The following CFH variants were observed in gnomAD, a reference collection of about 807,000 sequenced individuals.
The protein encoded by CFH is complement factor H, also known as H factor 1 (complement).
Under a neutral mutation model 147.3 loss-of-function variants are expected in CFH, and 53 were observed. The observed-to-expected ratio is 0.36, with a 90% CI of 0.29 to 0.45. CFH has a LOEUF of 0.45. Ranked by LOEUF, CFH falls within the 20% of genes least tolerant of loss-of-function variation. The pLI is 1.00. For synonymous variants in CFH, 536 were observed against 489.4 expected, an observed-to-expected ratio of 1.10 and a Z score of -1.26; for missense variants, 1,380 against 1,498.0, an observed-to-expected ratio of 0.92 and a Z score of 1.30.
In CFH at chr1:196,733,049, G is replaced by A. The variant is rs539826372; in HGVS notation, c.2414-3775G>A. Among the ~76,000 whole-genome samples, 13 of 152,082 alleles carry A rather than the reference G, an allele frequency of 8.5e-5. No homozygotes were observed. The East Asian group carries it at 2.3e-3, about 27-fold the overall frequency. On this transcript the variant is annotated intron_variant, in intron 15 of 21. Coordinates refer to ENST00000367429, the MANE Select transcript of CFH (RefSeq NM_000186.4). ...TCATCTCCCAGTGTGAGTTTGTTAA[G>A]GAGACGATCTCTTGAGTTGGAGCTA...
chr1:196,744,124 A>C (rs1390641782), intron 20 of CFH, among the ~76,000 whole-genome samples: 1 of 152,144 alleles, frequency 6.6e-6, no homozygotes, highest in Admixed American at 6.5e-5. Context: ...AAACCAAAAA[A>C]GGAAATTGTA....
intron 15 of CFH, among the ~76,000 whole-genome samples, chr1:196,729,478 T>C (rs1669230067): frequency 6.6e-6 from 1 of 152,026 alleles, no homozygotes; most frequent in South Asian, 2.1e-4. Context: ...TAATGTGCTG[T>C]AGGATTTGTT....
chr1:196,740,312 C>T (rs907508370), intron 17 of CFH, among the ~76,000 whole-genome samples: 4 of 152,068 alleles, frequency 2.6e-5, no homozygotes, highest in African/African-American at 7.3e-5. Context: ...TACCTGGAAT[C>T]GTTAACTCTC....
intron 1 of CFH, among the ~76,000 whole-genome samples, chr1:196,663,204 T>A (rs1407551133): frequency 2.0e-5 from 3 of 152,172 alleles, no homozygotes; most frequent in African/African-American, 7.2e-5. Context: ...TAAAATTCTC[T>A]TCCAACATTG....
At chr1:196,696,573 T>C (rs1476270151) in intron 9 of CFH, among the ~76,000 whole-genome samples, 2 of 152,102 alleles carry the variant, frequency 1.3e-5, no homozygotes, top group African/African-American at 4.8e-5. Context: ...GGGGATGGCA[T>C]TGAATCTATA....
At chr1:196,668,623 T>C (rs895813772) in intron 1 of CFH, among the ~76,000 whole-genome samples, 3 of 152,114 alleles carry the variant, frequency 2.0e-5, no homozygotes, top group African/African-American at 7.2e-5. Flanking sequence ...TGAGTTCTTA[T>C]GAGATTTAAT....
intron 11 of CFH, among the ~76,000 whole-genome samples, chr1:196,723,330 GT>G (rs1319795963): frequency 6.6e-6 from 1 of 152,078 alleles, no homozygotes; most frequent in Non-Finnish European, 1.5e-5. Flanking sequence ...TAAAGACTCT[GT>G]TTGAGTACCT....
intron 1 of CFH, among the ~76,000 whole-genome samples, chr1:196,672,744 A>T (rs914345498): frequency 1.3e-5 from 2 of 152,166 alleles, no homozygotes; most frequent in African/African-American, 4.8e-5. Context: ...TCCACAGTGA[A>T]CATTCTTATA....
intron 1 of CFH, among the ~76,000 whole-genome samples, chr1:196,659,080 G>C (rs1007192551): frequency 6.8e-6 from 1 of 146,086 alleles, no homozygotes; most frequent in African/African-American, 2.8e-5. Flanking sequence ...TTAGTTTTAA[G>C]ATAAATCACA....
intron 9 of CFH, among the ~76,000 whole-genome samples, chr1:196,705,832 A>G (rs1248003389): frequency 1.3e-5 from 2 of 152,154 alleles, no homozygotes; most frequent in East Asian, 3.9e-4. Flanking sequence ...CTACTGACTT[A>G]CCTCTAGAAG....
At chr1:196,712,802 T>C (rs1224070529) in intron 9 of CFH, among the ~76,000 whole-genome samples, 1 of 127,072 alleles carries the variant, frequency 7.9e-6, no homozygotes, top group African/African-American at 3.0e-5. Flanking sequence ...CAGTGTGATG[T>C]TCCCCTTCCT....
chr1:196,677,677 A>C lies in CFH; in HGVS notation c.619+10A>C, dbSNP rs367837226. 1 of 1,610,928 alleles carries C rather than the reference A, an allele frequency of 6.2e-7. No homozygotes were observed. Among genetic ancestry groups the C allele is most frequent in the Non-Finnish European group, 8.5e-7 (1 of 1,177,470 alleles). On this transcript the variant is annotated intron_variant, in intron 5 of 21. Transcript: ENST00000367429. ...AAACCAAAGTGTGTGGGTAAGATAC[A>C]CTTACTGTTTTAGTATTTTTAGCTT...
chr1:196,695,002 A>T (rs908518593), intron 9 of CFH, among the ~76,000 whole-genome samples: 2 of 152,132 alleles, frequency 1.3e-5, no homozygotes, highest in Non-Finnish European at 2.9e-5. Context: ...GAAGCTCTTT[A>T]GTTTAATTAG....
chr1:196,704,911 T>C (rs1243582822), intron 9 of CFH, among the ~76,000 whole-genome samples: 1 of 152,212 alleles, frequency 6.6e-6, no homozygotes, highest in Non-Finnish European at 1.5e-5. Flanking sequence ...GTTGTACTGG[T>C]GTTCAGTCTT....
chr1:196,747,058 A>C (rs1411103092), intron 21 of CFH, 53 bp from the exon 22 acceptor site: 13 of 1,609,030 alleles, frequency 8.1e-6, no homozygotes, highest in Non-Finnish European at 1.1e-5. Flanking sequence ...CTGAAAGTCT[A>C]TGAAGATTTG....
chr1:196,737,746 A>C (rs1652617627), intron 17 of CFH, 86 bp downstream of exon 17: 1 of 1,009,214 alleles, frequency 9.9e-7, no homozygotes, highest in Non-Finnish European at 1.5e-6. Context: ...GGAATAATTG[A>C]GATTACTGCA....
chr1:196,661,548 G>C (rs1315423014), intron 1 of CFH, among the ~76,000 whole-genome samples: 1 of 152,160 alleles, frequency 6.6e-6, no homozygotes, highest in African/African-American at 2.4e-5. Flanking sequence ...AATGATGAAA[G>C]GGACAAGGCA....
intron 1 of CFH, among the ~76,000 whole-genome samples, chr1:196,668,095 A>G (rs755343313): frequency 1.3e-5 from 2 of 152,122 alleles, no homozygotes; most frequent in Non-Finnish European, 2.9e-5. Flanking sequence ...TATACATAGC[A>G]TAGGGTTTAT....
intron 16 of CFH, 30 bp from the exon 17 acceptor site, chr1:196,737,445 T>A (rs1669432811): frequency 6.7e-7 from 1 of 1,498,254 alleles, no homozygotes; most frequent in Admixed American, 1.7e-5. Context: ...TTATTTGTTT[T>A]TAACCCTTTG....
Sources: gnomAD v4.1 joint callset for allele counts (sites outside exome capture counted in the v4.1 genomes callset) on GRCh38, gnomAD v4.1.1 for gene constraint, MANE v1.5 for transcripts, NCBI Gene and HGNC (gene_info 2026-07-23, HGNC 2026-07-21) for gene names.